The following HSPBAP1 variants were observed in gnomAD, a reference collection of about 807,000 sequenced individuals.
HSPBAP1 encodes the protein HSPB1 associated protein 1, also known as HSPB1-associated protein 1.
In HSPBAP1, 27 loss-of-function variants were observed where a neutral mutation model predicts 45.2. The observed-to-expected ratio is 0.60, with a 90% confidence interval of 0.44 to 0.82. The LOEUF is 0.82. Ranked by LOEUF, HSPBAP1 falls within the 40% of genes least tolerant of loss-of-function variation. HSPBAP1 has a pLI of 0.00. For missense variants in HSPBAP1, 510 were observed against 590.9 expected (o/e 0.86, Z 1.42); for synonymous variants, 204 against 202.7 (o/e 1.01, Z -0.06).
rs180751984 is a variant in HSPBAP1 at position 122,752,357 on chromosome 3, G to A, written c.825+234C>T. On this transcript the variant is annotated intron_variant, in intron 6 of 7. Coordinates refer to ENST00000306103, the MANE Select transcript of HSPBAP1 (RefSeq NM_024610.6). ...AGGACCCTGCATGCCAGCATCAGGC[G>A]CATTCTGTGTCCTTAAAAGAAAGAG... Among the ~76,000 whole-genome samples the A allele has an allele frequency of 5.9e-5, 9 of 152,222 alleles. No homozygotes were observed. The South Asian group carries it at 6.2e-4, about 11-fold the overall frequency.
chr3:122,746,593 TAG>T (rs1933862117), intron 6 of HSPBAP1, among the ~76,000 whole-genome samples: 2 of 151,586 alleles, frequency 1.3e-5, no homozygotes, highest in Non-Finnish European at 2.9e-5. Flanking sequence ...AAGATAAAAT[TAG>T]ATCTCAGCTC....
In HSPBAP1 at chr3:122,740,718, A is replaced by T. The variant is rs528707410; in HGVS notation, c.1094T>A (p.Met365Lys). ...CTGGCTACCTGTTTGGCCCACCTCC[A>T]TGTGGTTGCACACATTTAATTCTTC... The part of the protein sequence containing the change: ...KKEELNVCNH[M>K]EVGQTGSQNL... Residue 365 changes from methionine to lysine, a missense_variant, in exon 8 of 8, where the codon ATG becomes AAG. Coordinates refer to ENST00000306103, the MANE Select transcript of HSPBAP1 (RefSeq NM_024610.6). The T allele has an allele frequency of 3.8e-4, 606 of 1,614,066 alleles. 7 individuals are homozygous for T. In the South Asian group the frequency reaches 6.3e-3, roughly 17 times the overall value.
intron 1 of HSPBAP1, among the ~76,000 whole-genome samples, chr3:122,780,647 G>A (rs1443893790): frequency 1.1e-4 from 16 of 148,536 alleles, no homozygotes; most frequent in African/African-American, 3.5e-4. Context: ...CTGGCCAGGC[G>A]GGGGGCTGAC....
chr3:122,768,734 G>C lies in HSPBAP1; in HGVS notation c.399C>G (p.Val133=), dbSNP rs746355745. The change falls in exon 3 of 8, where the codon GTC becomes GTG. Residue 133 remains valine (V), a synonymous_variant. Transcript: ENST00000306103. The part of the protein sequence containing the change: ...FWAYADYKYF[V]SLFEDKTDLF... ...GATCTGTCTTGTCTTCAAATAGACT[G>C]ACAAAATATTTATAGTCAGCATAAG... The C allele has an allele frequency of 6.8e-6, 11 of 1,612,484 alleles. No homozygotes were observed. The highest frequency in any genetic ancestry group is 3.3e-4 in the Middle Eastern group (2 of 6,058).
intron 6 of HSPBAP1, among the ~76,000 whole-genome samples, chr3:122,743,371 AC>A (rs1933734912): frequency 6.6e-6 from 1 of 152,136 alleles, no homozygotes. Flanking sequence ...GGAGTTCGAG[AC>A]CAGCTTCAAC....
Position 122,741,129 on chromosome 3 carries a change from A to C in HSPBAP1, c.826-16T>G. 6.4e-7 allele frequency: 1 copy of C among 1,555,286 alleles called. No homozygotes were observed. The highest frequency in any genetic ancestry group is 8.9e-7 in the Non-Finnish European group (1 of 1,126,346). ...GATCCTCTTCCTGAATTAAAAAAAC[A>C]CGCTTTTAACTTCTGTTAAGTCTCA... On this transcript the variant is annotated splice_polypyrimidine_tract_variant and intron_variant, in intron 6 of 7. Coordinates refer to ENST00000306103, the MANE Select transcript of HSPBAP1 (RefSeq NM_024610.6).
intron 2 of HSPBAP1, among the ~76,000 whole-genome samples, chr3:122,770,686 G>A (rs1934964582): frequency 6.6e-6 from 1 of 152,270 alleles, no homozygotes; most frequent in African/African-American, 2.4e-5. Context: ...GGGTGACACA[G>A]TGAGATCCTG....
intron 2 of HSPBAP1, among the ~76,000 whole-genome samples, chr3:122,769,101 G>A (rs767272106): frequency 2.6e-5 from 4 of 151,920 alleles, no homozygotes; most frequent in Non-Finnish European, 5.9e-5. Flanking sequence ...AGACCAGTCT[G>A]TGCAACAGAG....
In HSPBAP1 at chr3:122,758,495, T is replaced by C. The variant is rs368940169; in HGVS notation, c.569+729A>G. Among the ~76,000 whole-genome samples the C allele has an allele frequency of 7.9e-5, 12 of 152,318 alleles. No individual in the cohort carries two copies. The East Asian group carries it at 2.3e-3, about 29-fold the overall frequency. On this transcript the variant is annotated intron_variant, in intron 4 of 7. Coordinates refer to ENST00000306103, the MANE Select transcript of HSPBAP1 (RefSeq NM_024610.6). Reference sequence around the variant, plus strand: ...CGCTGGCATCCCTTGGAGAGGAGCTTGAGGGCAACAGTGAAGCCTCTTCCT... The same window carrying C: ...CGCTGGCATCCCTTGGAGAGGAGCTCGAGGGCAACAGTGAAGCCTCTTCCT...
Position 122,740,187 on chromosome 3 carries a change from T to G in HSPBAP1, c.*158A>C. 1 of 450,914 alleles carries G rather than the reference T, an allele frequency of 2.2e-6. No homozygotes were observed. Among genetic ancestry groups the G allele is most frequent in the South Asian group, 5.4e-5 (1 of 18,578 alleles). 27.9% of individuals were successfully genotyped at this position (450,914 alleles called of 1,614,324 possible). A position where few individuals can be genotyped will look rare whatever the true frequency, so the allele number is the denominator to read the frequency against. On this transcript the variant is annotated 3_prime_UTR_variant, in exon 8 of 8. Coordinates refer to ENST00000306103, the MANE Select transcript of HSPBAP1 (RefSeq NM_024610.6). ...CAGTTTGGCCAAAGAGGAATGTGCA[T>G]GAAAGAAGGTGGCAACAGACTGACA...
At chr3:122,744,510 G>A (rs1933779131) in intron 6 of HSPBAP1, among the ~76,000 whole-genome samples, 1 of 152,240 alleles carries the variant, frequency 6.6e-6, no homozygotes, top group South Asian at 2.1e-4. Flanking sequence ...TTTAACTCCA[G>A]TTGTGCATTC....
chr3:122,792,534 G>A (rs187527162), intron 1 of HSPBAP1, among the ~76,000 whole-genome samples: 53 of 152,126 alleles, frequency 3.5e-4, no homozygotes, highest in African/African-American at 1.2e-3. Context: ...TCCCCCTTCA[G>A]CAAACTGTTT....
At position 122,779,343 on chromosome 3, in the gene HSPBAP1, A is replaced by G. The variant is rs532943891; in HGVS notation, c.65-1437T>C. Among the ~76,000 whole-genome samples, 7 of 151,660 alleles carry G rather than the reference A, an allele frequency of 4.6e-5. No homozygotes were observed. The South Asian group carries it at 1.5e-3, about 32-fold the overall frequency. Reference sequence around the variant, plus strand: ...GGCATAAGCCACCGCACCCGGCCACATAGATTTCATTTTCTAGTTGAACAA... The same window carrying G: ...GGCATAAGCCACCGCACCCGGCCACGTAGATTTCATTTTCTAGTTGAACAA... On this transcript the variant is annotated intron_variant, in intron 1 of 7. Coordinates refer to ENST00000306103, the MANE Select transcript of HSPBAP1 (RefSeq NM_024610.6).
intron 6 of HSPBAP1, among the ~76,000 whole-genome samples, chr3:122,752,292 A>T (rs906814592): frequency 2.6e-5 from 4 of 152,222 alleles, no homozygotes; most frequent in Non-Finnish European, 4.4e-5. Flanking sequence ...AAATCTGGCC[A>T]GGCCCAATAC....
chr3:122,759,345 C>T lies in HSPBAP1; in HGVS notation c.448G>A (p.Asp150Asn), dbSNP rs752891352. 30 of 1,613,456 alleles carry T rather than the reference C, an allele frequency of 1.9e-5. No individual in the cohort carries two copies. The East Asian group carries it at 6.7e-4, about 36-fold the overall frequency. The change falls in exon 4 of 8, where the codon GAC becomes AAC. Residue 150 changes from aspartate (D) to asparagine (N), a missense_variant. Asp to Asn is a conservative substitution (Grantham distance 23). Transcript: ENST00000306103. ...TDLFQDVKWS[D>N]FGFPGRNGQE... ...CCATTTCTTCCAGGAAACCCGAAGT[C>T]AGACCATTTCACATCCTGTTTTGAA...
At position 122,752,632 on chromosome 3, in the gene HSPBAP1, TG is replaced by T; in HGVS notation, c.783del (p.Ile262LeufsTer8). Reference protein sequence around the residue: ...VPRHWWHYVESIDPVTVSINS... With the variant: ...VPRHWWHYVEXIDPVTVSINS... ...TTTATACTGACAGTGACAGGATCAA[TG>T]GATTCTACGTAATGCCACCAGTGTC... On this transcript the variant is annotated frameshift_variant, in exon 6 of 8. Transcript: ENST00000306103. LOFTEE classifies it high-confidence loss of function. 6.2e-7 allele frequency: 1 copy of T among 1,605,572 alleles called. No homozygotes were observed. Among genetic ancestry groups the T allele is most frequent in the East Asian group, 2.2e-5 (1 of 44,744 alleles).
intron 6 of HSPBAP1, among the ~76,000 whole-genome samples, chr3:122,747,082 G>A (rs1435647492): frequency 6.6e-6 from 1 of 151,774 alleles, no homozygotes; most frequent in Non-Finnish European, 1.5e-5. Context: ...CACCCCATCT[G>A]GGAAGTGAGG....
intron 3 of HSPBAP1, 99 bp from the exon 4 acceptor site, chr3:122,759,459 G>A: frequency 7.9e-7 from 1 of 1,266,600 alleles, no homozygotes; most frequent in Non-Finnish European, 1.1e-6. Context: ...TTAGCAGTTG[G>A]AATATTCTAT....
chr3:122,786,589 T>TA (rs1935663853), intron 1 of HSPBAP1: 1 of 152,180 alleles, frequency 6.6e-6, no homozygotes, highest in Admixed American at 6.5e-5. Context: ...AAGTTAAATT[T>TA]AAAAAATGTA....
Sources: allele counts gnomAD v4.1 joint callset (sites outside exome capture counted in the v4.1 genomes callset), GRCh38; gene constraint gnomAD v4.1.1; transcripts MANE v1.5; gene names NCBI Gene and HGNC (gene_info 2026-07-23, HGNC 2026-07-21).